The following CMYA5 variants were observed in gnomAD, a reference collection of about 807,000 sequenced individuals.
CMYA5 encodes the protein cardiomyopathy associated 5.
A neutral mutation model predicts 318.9 loss-of-function variants in CMYA5; 246 were observed. The ratio of observed to expected loss-of-function variants is 0.77; its 90% CI spans 0.70 to 0.86. CMYA5 has a LOEUF of 0.86. Among genes scored for constraint, CMYA5 ranks in the 40% least tolerant of loss-of-function variants. The pLI is 0.00. For missense variants in CMYA5, 4,589 were observed against 4,678.2 expected, an observed-to-expected ratio of 0.98 and a Z score of 0.56; for synonymous variants, 1,641 against 1,729.5, an observed-to-expected ratio of 0.95 and a Z score of 1.27.
At chr5:79,776,447 G>GT (rs578096104) in intron 9 of CMYA5, among the ~76,000 whole-genome samples, 207 of 152,070 alleles carry the variant, frequency 1.4e-3, no homozygotes, top group Admixed American at 2.6e-3. Context: ...TATTCAGTTG[G>GT]TTTTTTATAT....
At chr5:79,788,858 G>T in intron 9 of CMYA5, 113 bp from the exon 10 acceptor site, 1 of 1,114,822 alleles carries the variant, frequency 9.0e-7, no homozygotes. Context: ...AAAAGGGGAA[G>T]AAAATAAGTT....
Position 79,733,512 on chromosome 5 carries a change from A to T in CMYA5, c.4747A>T (p.Thr1583Ser), listed in dbSNP as rs1471555794. ...LENLASGLAP[T>S]LLLLSDDKNK... ...AAATTTAGCATCAGGTTTAGCCCCAACATTACTGCTCCTCAGTGATGATAA... is the reference window on the plus strand; with the variant it reads ...AAATTTAGCATCAGGTTTAGCCCCATCATTACTGCTCCTCAGTGATGATAA... The change falls in exon 2 of 13, where the codon ACA (threonine) becomes TCA (serine). Residue 1583 changes from threonine to serine, a missense_variant. Transcript: ENST00000446378. The T allele has an allele frequency of 1.9e-6, 3 of 1,613,834 alleles. No individual in the cohort carries two copies. Among genetic ancestry groups the T allele is most frequent in the Non-Finnish European group, 2.5e-6 (3 of 1,179,852 alleles).
chr5:79,729,355 C>T lies in CMYA5; in HGVS notation c.590C>T (p.Thr197Ile), dbSNP rs531983065. The change falls in exon 2 of 13, where the codon ACC becomes ATC. Residue 197 changes from threonine to isoleucine, a missense_variant. Thr to Ile is a moderately conservative substitution (Grantham distance 89). Around this residue, in one of 3 missense-constraint regions of CMYA5, gnomAD observed 2,132 missense variants for 2,131.3 expected, o/e 1.00. Transcript: ENST00000446378. ...TATGATAAAGCAAGAAAAAAGAAGA[C>T]CACTTCAAATACACCTCCGATTACT... ...GIYDKARKKK[T>I]TSNTPPITGA... 1 of 1,612,916 alleles carries T rather than the reference C, an allele frequency of 6.2e-7. No individual in the cohort carries two copies. Among genetic ancestry groups the T allele is most frequent in the Admixed American group, 1.7e-5 (1 of 59,822 alleles).
rs776629815 is a variant in CMYA5 at position 79,729,114 on chromosome 5, C to T, written c.349C>T (p.Pro117Ser). 216 of 1,613,152 alleles carry T rather than the reference C, an allele frequency of 1.3e-4. 1 individual carries two copies. The East Asian group carries it at 4.3e-3, about 32-fold the overall frequency. The part of the protein sequence containing the change: ...CSREGSTVNS[P>S]PGNVSFIVDE... ...TCGGGAAGGGTCAACTGTGAATTCT[C>T]CTCCTGGAAATGTTTCCTTTATTGT... Residue 117 changes from proline to serine, a missense_variant, in exon 2 of 13, where the codon CCT (proline) becomes TCT (serine). Coordinates refer to ENST00000446378, the MANE Select transcript of CMYA5 (RefSeq NM_153610.5).
chr5:79,742,075 T>C (rs921831202), intron 2 of CMYA5, among the ~76,000 whole-genome samples: 20 of 44,930 alleles, frequency 4.5e-4, no homozygotes, highest in African/African-American at 4.1e-3. Flanking sequence ...CTTCTTCTTC[T>C]TCTTCTTCTT....
intron 2 of CMYA5, among the ~76,000 whole-genome samples, chr5:79,740,582 G>T (rs933678160): frequency 2.0e-5 from 3 of 152,116 alleles, no homozygotes; most frequent in Admixed American, 6.5e-5. Context: ...GTTAGAAGCA[G>T]AAATTTTTTT....
intron 1 of CMYA5, among the ~76,000 whole-genome samples, chr5:79,712,332 G>T: frequency 6.6e-6 from 1 of 152,096 alleles, no homozygotes; most frequent in East Asian, 1.9e-4. Context: ...TTCTGCCTCA[G>T]CCTCCCAAGT....
chr5:79,778,913 ATT>A lies in CMYA5; in HGVS notation c.11556-10047_11556-10046del, dbSNP rs1402427063. Among the ~76,000 whole-genome samples, 297 of 89,820 alleles carry A rather than the reference ATT, an allele frequency of 3.3e-3. 2 individuals carry two copies. The highest frequency in any genetic ancestry group is 0.012 in the Middle Eastern group (2 of 166). 58.9% of individuals were successfully genotyped at this position (89,820 alleles called of 152,430 possible). A position where few individuals can be genotyped will look rare whatever the true frequency, so the allele number is the denominator to read the frequency against. On this transcript the variant is annotated intron_variant, in intron 9 of 12. Transcript: ENST00000446378. Reference sequence around the variant, plus strand: ...TTATTTATTTTTATTTTTTTTTTTAATTTTTTTTTTTTATTATACTCTAAGTT... The same window carrying A: ...TTATTTATTTTTATTTTTTTTTTTAATTTTTTTTTTATTATACTCTAAGTT...
chr5:79,741,168 A>AT (rs1828200780), intron 2 of CMYA5, among the ~76,000 whole-genome samples: 1 of 152,144 alleles, frequency 6.6e-6, no homozygotes, highest in Admixed American at 6.5e-5. Context: ...GTGAGTCACA[A>AT]TGCCCAGTCT....
At chr5:79,765,021 T>C (rs914359692) in intron 9 of CMYA5, among the ~76,000 whole-genome samples, 3 of 152,254 alleles carry the variant, frequency 2.0e-5, no homozygotes, top group Non-Finnish European at 2.9e-5. Context: ...TTTTGGCTTT[T>C]GTTGCCATTG....
At chr5:79,708,771 A>G (rs1025909431) in intron 1 of CMYA5, among the ~76,000 whole-genome samples, 4 of 151,888 alleles carry the variant, frequency 2.6e-5, no homozygotes, top group Non-Finnish European at 4.4e-5. Flanking sequence ...TGTCTCTACT[A>G]AAAACAGAAA....
In CMYA5 at chr5:79,731,793, C is replaced by G; in HGVS notation, c.3028C>G (p.Pro1010Ala). Reference sequence around the variant, plus strand: ...CTCAGCATCACAAGTTTCAATCCCTCCCTTTAGAATCTCAGAAACAGAGAA... The same window carrying G: ...CTCAGCATCACAAGTTTCAATCCCTGCCTTTAGAATCTCAGAAACAGAGAA... The part of the protein sequence containing the change: ...PDSASQVSIP[P>A]FRISETEKNE... The change falls in exon 2 of 13, where the codon CCC (proline) becomes GCC (alanine). Residue 1010 changes from proline (P) to alanine (A), a missense_variant. Pro to Ala is a conservative substitution (Grantham distance 27). Coordinates refer to ENST00000446378, the MANE Select transcript of CMYA5 (RefSeq NM_153610.5). 3 of 1,613,050 alleles carry G rather than the reference C, an allele frequency of 1.9e-6. No homozygotes were observed. The highest frequency in any genetic ancestry group is 1.1e-5 in the South Asian group (1 of 90,836).
chr5:79,726,024 G>C (rs1464607794), intron 1 of CMYA5, among the ~76,000 whole-genome samples: 1 of 152,168 alleles, frequency 6.6e-6, no homozygotes, highest in East Asian at 1.9e-4. Context: ...TGTACTCCTA[G>C]TATTTGAACT....
At chr5:79,712,459 C>T (rs1055358539) in intron 1 of CMYA5, among the ~76,000 whole-genome samples, 3 of 151,992 alleles carry the variant, frequency 2.0e-5, no homozygotes, top group Non-Finnish European at 4.4e-5. Flanking sequence ...ATGATCCACC[C>T]TCCTCAGCCT....
At chr5:79,791,398 A>G (rs1203153476) in intron 11 of CMYA5, among the ~76,000 whole-genome samples, 2 of 152,094 alleles carry the variant, frequency 1.3e-5, no homozygotes, top group African/African-American at 4.8e-5. Context: ...TTCTATAGCA[A>G]ACCAGATATT....
Position 79,736,692 on chromosome 5 carries a change from C to G in CMYA5, c.7927C>G (p.Arg2643Gly). The G allele has an allele frequency of 6.2e-7, 1 of 1,612,776 alleles. No homozygotes were observed. Among genetic ancestry groups the G allele is most frequent in the Non-Finnish European group, 8.5e-7 (1 of 1,179,664 alleles). The change falls in exon 2 of 13, where the codon CGT becomes GGT. Residue 2643 changes from arginine (R) to glycine (G), a missense_variant. Coordinates refer to ENST00000446378, the MANE Select transcript of CMYA5 (RefSeq NM_153610.5). ...KTFLPVALSC[R>G]DEIENHSLSQ... ...TTTCCTGCCGGTGGCTCTTTCTTGT[C>G]GTGATGAAATAGAGAACCACTCTTT...
Position 79,733,341 on chromosome 5 carries a change from G to A in CMYA5, c.4576G>A (p.Glu1526Lys), listed in dbSNP as rs1168643371. ...LMSTSEVLEP[E>K]HELPLSLWGE... ...GTCTACCTCAGAGGTGTTAGAGCCT[G>A]AACATGAGCTTCCACTCAGCCTATG... The change falls in exon 2 of 13, where the codon GAA becomes AAA. Residue 1526 changes from glutamate to lysine, a missense_variant. Physicochemically the swap from Glu to Lys is moderately conservative, Grantham distance 56. Around this residue, in one of 3 missense-constraint regions of CMYA5, gnomAD observed 2,132 missense variants for 2,131.3 expected, o/e 1.00. Coordinates refer to ENST00000446378, the MANE Select transcript of CMYA5 (RefSeq NM_153610.5). The A allele has an allele frequency of 1.9e-6, 3 of 1,613,604 alleles. No homozygotes were observed. The highest frequency in any genetic ancestry group is 2.5e-6 in the Non-Finnish European group (3 of 1,179,816).
Position 79,730,387 on chromosome 5 carries a change from T to G in CMYA5, c.1622T>G (p.Leu541Trp). Residue 541 changes from leucine (L) to tryptophan (W), a missense_variant, in exon 2 of 13, where the codon TTG becomes TGG. This residue lies in a region of CMYA5 where 2,132 missense variants were observed against 2,131.3 expected (regional missense o/e 1.00). Transcript: ENST00000446378. The part of the protein sequence containing the change: ...IVELDYPESP[L>W]VSEKPFPPHM... ...GAACTTGATTACCCAGAAAGCCCAT[T>G]GGTTTCCGAGAAGCCCTTCCCACCA... The G allele has an allele frequency of 6.2e-7, 1 of 1,613,918 alleles. No homozygotes were observed. The highest frequency in any genetic ancestry group is 8.5e-7 in the Non-Finnish European group (1 of 1,179,886).
intron 1 of CMYA5, among the ~76,000 whole-genome samples, chr5:79,709,593 T>C (rs1827343021): frequency 6.6e-6 from 1 of 152,164 alleles, no homozygotes; most frequent in Admixed American, 6.5e-5. Flanking sequence ...CATTGATTTT[T>C]TTTTTTTTCA....
Sources: allele counts gnomAD v4.1 joint callset (sites outside exome capture counted in the v4.1 genomes callset), GRCh38; gene constraint gnomAD v4.1.1; regional missense constraint gnomAD v4.1.1; transcripts MANE v1.5; gene names NCBI Gene and HGNC (gene_info 2026-07-23, HGNC 2026-07-21).